The following UVSSA variants were observed in gnomAD, a reference collection of about 807,000 sequenced individuals.
UVSSA encodes UV-stimulated scaffold protein A.
A neutral mutation model predicts 73.9 loss-of-function variants in UVSSA; 72 were observed. The ratio of observed to expected loss-of-function variants is 0.97; its 90% CI spans 0.81 to 1.19. The LOEUF (loss-of-function observed/expected upper bound fraction) is 1.19, where lower values mean the gene tolerates loss of function less well. Among genes scored for constraint, UVSSA ranks in the 50% most tolerant of loss-of-function variants. The pLI is 0.00. For synonymous variants in UVSSA, 454 were observed against 391.3 expected (o/e 1.16, Z -1.89); for missense variants, 1,150 against 965.0 (o/e 1.19, Z -2.54).
chr4:1,370,564 A>G (rs1717908435), intron 8 of UVSSA, among the ~76,000 whole-genome samples: 1 of 152,258 alleles, frequency 6.6e-6, no homozygotes, highest in South Asian at 2.1e-4. Flanking sequence ...CCCGAGCGGG[A>G]CAGGCACCTT....
exon 14 of UVSSA, chr4:1,393,368 T>C (rs925757929): frequency 3.9e-5 from 6 of 152,216 alleles, no homozygotes; most frequent in Admixed American, 3.3e-4. Flanking sequence ...CTTTAGTTAT[T>C]TGAACATATG....
At chr4:1,355,040 G>A (rs751288121) in intron 6 of UVSSA, 77 bp from the exon 7 acceptor site, 50 of 1,580,880 alleles carry the variant, frequency 3.2e-5, no homozygotes, top group Admixed American at 7.0e-5. Context: ...AGTGGACCTG[G>A]CATGTGCCTC....
At chr4:1,388,878 G>A (rs959576727), downstream of UVSSA, 1 of 152,192 alleles carries the variant, frequency 6.6e-6, no homozygotes, top group Non-Finnish European at 1.5e-5. Context: ...CTGTATTCAT[G>A]AGGGATATTG....
intron 12 of UVSSA, among the ~76,000 whole-genome samples, chr4:1,382,232 C>T (rs773521815): frequency 2.0e-5 from 3 of 152,244 alleles, no homozygotes; most frequent in Non-Finnish European, 2.9e-5. Context: ...CACTCAGGAG[C>T]AAATTAAGTG....
chr4:1,350,975 G>A lies in UVSSA; in HGVS notation c.430-740G>A, dbSNP rs566301883. 5.5e-4 allele frequency among the ~76,000 whole-genome samples: 84 copies of A among 152,096 alleles called. 1 individual carries two copies. Among genetic ancestry groups the A allele is most frequent in the Admixed American group, 2.7e-3 (42 of 15,288 alleles). On this transcript the variant is annotated intron_variant, in intron 3 of 13. Coordinates refer to ENST00000389851, the MANE Select transcript of UVSSA (RefSeq NM_020894.4). ...GGCTAGAGTGCAGTGGCGCGATCTC[G>A]GCTCACTGCAACCTCCGCCTCCCTG...
chr4:1,358,398 G>C (rs1037273458), intron 7 of UVSSA: 1 of 152,400 alleles, frequency 6.6e-6, no homozygotes, highest in East Asian at 1.9e-4. Flanking sequence ...GAAGGGAGGC[G>C]CCACGCTGCC....
At chr4:1,373,825 C>T (rs920262716) in intron 8 of UVSSA, among the ~76,000 whole-genome samples, 4 of 152,190 alleles carry the variant, frequency 2.6e-5, no homozygotes, top group African/African-American at 9.7e-5. Flanking sequence ...CTGTGTCTCA[C>T]TCGTGCTGTG....
rs939806728 is a variant in UVSSA, at chr4:1,384,193, C to G, written c.2036+253C>G. ...ATAAGAGGGGCTCGACCGCCAGGCA[C>G]CGCCATCCTCGCTTCCTGGGGGAGC... On this transcript the variant is annotated intron_variant, in intron 13 of 13. Coordinates refer to ENST00000389851, the MANE Select transcript of UVSSA (RefSeq NM_020894.4). The G allele has an allele frequency of 2.2e-5, 11 of 503,482 alleles. No homozygotes were observed. In the East Asian group the frequency reaches 2.8e-4, roughly 13 times the overall value. 31.2% of individuals were successfully genotyped at this position (503,482 alleles called of 1,614,324 possible). A position where few individuals can be genotyped will look rare whatever the true frequency, so the allele number is the denominator to read the frequency against.
At chr4:1,367,881 G>A (rs965904750) in intron 8 of UVSSA, among the ~76,000 whole-genome samples, 1 of 151,982 alleles carries the variant, frequency 6.6e-6, no homozygotes, top group East Asian at 1.9e-4. Context: ...TCCAACACCA[G>A]CATCCACCTG....
chr4:1,375,373 C>T lies in UVSSA; in HGVS notation c.1298C>T (p.Ala433Val). ...CACGTGTCTGTTTCAGGGCTGGAGG[C>T]AGCACCAGAGAAAGACACAGTTGTG... ...DHLRPEYGLE[A>V]APEKDTVVRC... The change falls in exon 9 of 14, where the codon GCA becomes GTA. Residue 433 changes from alanine (A) to valine (V), a missense_variant. By Grantham distance (64) the Ala-to-Val change is moderately conservative. Transcript: ENST00000389851. The T allele has an allele frequency of 6.2e-7, 1 of 1,613,384 alleles. No homozygotes were observed. Among genetic ancestry groups the T allele is most frequent in the Middle Eastern group, 1.7e-4 (1 of 6,060 alleles).
At chr4:1,377,916 G>A (rs919386137) in intron 10 of UVSSA, among the ~76,000 whole-genome samples, 9 of 152,202 alleles carry the variant, frequency 5.9e-5, no homozygotes, top group African/African-American at 1.9e-4. Flanking sequence ...CCCCATGTCA[G>A]CTGCGTGGAT....
chr4:1,362,781 C>T (rs1425518326), intron 7 of UVSSA, among the ~76,000 whole-genome samples: 2 of 152,190 alleles, frequency 1.3e-5, no homozygotes, highest in African/African-American at 4.8e-5. Flanking sequence ...AGGGGGGCTT[C>T]GTGCGGGGCC....
chr4:1,372,819 C>CT (rs1718275650), intron 8 of UVSSA, among the ~76,000 whole-genome samples: 2 of 42,140 alleles, frequency 4.7e-5, no homozygotes, highest in East Asian at 6.5e-4. Flanking sequence ...CGTCTCAGGG[C>CT]ACTCACCTCC....
At position 1,349,860 on chromosome 4, in the gene UVSSA, T is replaced by C. The variant is rs1560419727; in HGVS notation, c.429+6T>C. 1 of 1,530,464 alleles carries C rather than the reference T, an allele frequency of 6.5e-7. No individual in the cohort carries two copies. Among genetic ancestry groups the C allele is most frequent in the Non-Finnish European group, 8.8e-7 (1 of 1,140,110 alleles). 94.8% of individuals were successfully genotyped at this position (1,530,464 alleles called of 1,614,324 possible). On this transcript the variant is annotated splice_donor_region_variant and intron_variant, in intron 3 of 13. Transcript: ENST00000389851. ...TCTTAAGACACAACAAAAAGGTAGG[T>C]GGGCCTGGCCCATTTTTTCAGAGAC...
At chr4:1,376,481 G>A (rs902255192) in intron 10 of UVSSA, among the ~76,000 whole-genome samples, 1 of 152,208 alleles carries the variant, frequency 6.6e-6, no homozygotes, top group African/African-American at 2.4e-5. Context: ...CCTGGGGCCC[G>A]TTCAGTTTGT....
intron 8 of UVSSA, among the ~76,000 whole-genome samples, chr4:1,367,835 G>A (rs1187225090): frequency 1.3e-5 from 2 of 151,030 alleles, no homozygotes; most frequent in Non-Finnish European, 1.5e-5. Flanking sequence ...TGCCCTCATC[G>A]GGCTTCCCCT....
At chr4:1,354,094 A>G (rs1389497415) in intron 5 of UVSSA, among the ~76,000 whole-genome samples, 2 of 152,206 alleles carry the variant, frequency 1.3e-5, no homozygotes, top group Admixed American at 1.3e-4. Context: ...GTGTCCCTTC[A>G]CCAGGGCCAG....
chr4:1,348,012 C>G, intron 1 of UVSSA, 78 bp from the exon 2 acceptor site: 1 of 1,246,850 alleles, frequency 8.0e-7, no homozygotes, highest in Admixed American at 1.9e-5. Context: ...TATAGTGGAA[C>G]CCAGTAAACA....
rs776209824 is a variant in UVSSA, at chr4:1,380,848, C to T, written c.1753-32C>T. 1.9e-6 allele frequency: 3 copies of T among 1,602,752 alleles called. No individual in the cohort carries two copies. In the Admixed American group the frequency reaches 5.0e-5, roughly 27 times the overall value. On this transcript the variant is annotated intron_variant, in intron 11 of 13. Transcript: ENST00000389851. ...GTGGTCAAGGCAAGCGGACCCCTCC[C>T]CGCCATCAGCCACCGTGTCCTCGCT...
Sources: allele counts gnomAD v4.1 joint callset (sites outside exome capture counted in the v4.1 genomes callset), GRCh38; gene constraint gnomAD v4.1.1; transcripts MANE v1.5; gene names NCBI Gene and HGNC (gene_info 2026-07-23, HGNC 2026-07-21).